Variants in STAG1 observed in about 807,000 individuals in gnomAD.
The protein encoded by STAG1 is STAG1 cohesin complex component.
A neutral mutation model predicts 170.9 loss-of-function variants in STAG1; 26 were observed. The ratio of observed to expected loss-of-function variants is 0.15; its 90% confidence interval spans 0.11 to 0.21. The LOEUF is 0.21. Ranked by LOEUF, STAG1 falls within the 10% of genes least tolerant of loss-of-function variation. The probability of loss-of-function intolerance (pLI) is 1.00; values close to 1 mark genes in which losing one functional copy is unlikely to be tolerated. For synonymous variants in STAG1, 514 were observed against 497.7 expected (o/e 1.03, Z -0.44); for missense variants, 964 against 1,509.5 (o/e 0.64, Z 5.99).
At chr3:136,342,600 G>C (rs894286280) in intron 30 of STAG1, among the ~76,000 whole-genome samples, 1 of 152,252 alleles carries the variant, frequency 6.6e-6, no homozygotes, top group African/African-American at 2.4e-5. Context: ...TCATTCCTTA[G>C]CCTCCTGAAT....
intron 2 of STAG1, among the ~76,000 whole-genome samples, chr3:136,624,260 G>A (rs541123949): frequency 1.3e-5 from 2 of 151,940 alleles, no homozygotes; most frequent in East Asian, 2.0e-4. Flanking sequence ...CACCAGGCCC[G>A]GCTAATTTTT....
At chr3:136,741,759 T>C (rs1934683127) in intron 1 of STAG1, among the ~76,000 whole-genome samples, 1 of 152,150 alleles carries the variant, frequency 6.6e-6, no homozygotes, top group African/African-American at 2.4e-5. Flanking sequence ...TGAGTCACTG[T>C]GCCTGGCCAG....
At chr3:136,696,150 T>C (rs1031563969) in intron 1 of STAG1, among the ~76,000 whole-genome samples, 2 of 152,196 alleles carry the variant, frequency 1.3e-5, no homozygotes, top group Non-Finnish European at 2.9e-5. Context: ...GCAAAGTTTT[T>C]CTGGAACCAC....
intron 9 of STAG1, among the ~76,000 whole-genome samples, chr3:136,486,477 A>C (rs972144467): frequency 3.3e-4 from 50 of 152,216 alleles, no homozygotes; most frequent in African/African-American, 1.1e-3. Context: ...TCTATAAAAC[A>C]TCCAAATCAT....
chr3:136,641,623 T>G (rs1231249042), intron 1 of STAG1, among the ~76,000 whole-genome samples: 1 of 152,132 alleles, frequency 6.6e-6, no homozygotes, highest in Non-Finnish European at 1.5e-5. Context: ...TTCAAAAGTG[T>G]CAAGGTCATG....
chr3:136,748,896 G>C (rs1935087233), intron 1 of STAG1, among the ~76,000 whole-genome samples: 1 of 152,092 alleles, frequency 6.6e-6, no homozygotes, highest in South Asian at 2.1e-4. Context: ...TAAGGTACCA[G>C]GAAACGGGAA....
chr3:136,686,011 T>C (rs1942509827), intron 1 of STAG1, among the ~76,000 whole-genome samples: 2 of 152,284 alleles, frequency 1.3e-5, no homozygotes, highest in South Asian at 2.1e-4. Context: ...TTCTCAAGTA[T>C]TGGTAAGCTC....
At chr3:136,697,485 G>T (rs1477706228) in intron 1 of STAG1, among the ~76,000 whole-genome samples, 1 of 152,138 alleles carries the variant, frequency 6.6e-6, no homozygotes, top group Non-Finnish European at 1.5e-5. Flanking sequence ...GTTCTCTGGG[G>T]ATGAGATCCA....
intron 7 of STAG1, among the ~76,000 whole-genome samples, chr3:136,512,828 GAACAC>G (rs780441286): frequency 1.5e-4 from 23 of 151,732 alleles, no homozygotes; most frequent in Non-Finnish European, 5.9e-5. Context: ...TGCCAGAGGT[GAACAC>G]ACACACCCCT....
intron 22 of STAG1, 21 bp from the exon 23 acceptor site, chr3:136,377,773 T>C: frequency 6.2e-7 from 1 of 1,601,142 alleles, no homozygotes; most frequent in Non-Finnish European, 8.6e-7. Flanking sequence ...CATTCAAATT[T>C]GCAAGCGTGA....
intron 3 of STAG1, among the ~76,000 whole-genome samples, chr3:136,612,901 G>A (rs1345167474): frequency 6.6e-6 from 1 of 152,102 alleles, no homozygotes; most frequent in Admixed American, 6.5e-5. Context: ...TATATACCTA[G>A]AGGTATAACT....
intron 9 of STAG1, among the ~76,000 whole-genome samples, chr3:136,491,496 C>T (rs2090124427): frequency 6.6e-6 from 1 of 152,102 alleles, no homozygotes; most frequent in South Asian, 2.1e-4. Context: ...GTGTTTTTCA[C>T]ATTCAGTATT....
intron 4 of STAG1, among the ~76,000 whole-genome samples, chr3:136,598,859 G>A (rs1486784173): frequency 6.6e-6 from 1 of 152,160 alleles, no homozygotes; most frequent in Non-Finnish European, 1.5e-5. Flanking sequence ...ATTCCTTGAT[G>A]AAATCTTTCA....
chr3:136,623,336 C>T (rs968591501), intron 2 of STAG1, 88 bp from the exon 3 acceptor site: 3 of 1,192,904 alleles, frequency 2.5e-6, no homozygotes, highest in African/African-American at 1.5e-5. Flanking sequence ...TGCTATATGG[C>T]TGATTAGAAG....
intron 1 of STAG1, among the ~76,000 whole-genome samples, chr3:136,726,605 G>A (rs1933702513): frequency 6.6e-6 from 1 of 152,148 alleles, no homozygotes; most frequent in Non-Finnish European, 1.5e-5. Flanking sequence ...CGTATTTTTA[G>A]TAGAGATGGG....
chr3:136,514,421 A>G (rs1934240945), intron 7 of STAG1, among the ~76,000 whole-genome samples: 1 of 152,180 alleles, frequency 6.6e-6, no homozygotes, highest in African/African-American at 2.4e-5. Flanking sequence ...AACAGATGCT[A>G]GAGAGGATGT....
chr3:136,608,753 G>A (rs983812618), intron 3 of STAG1, among the ~76,000 whole-genome samples: 8 of 144,682 alleles, frequency 5.5e-5, no homozygotes, highest in African/African-American at 1.0e-4. Context: ...GCAGTGAGCC[G>A]TGATTGTAGC....
At chr3:136,369,384 AC>A in intron 23 of STAG1, 102 bp from the exon 24 acceptor site, 1 of 814,696 alleles carries the variant, frequency 1.2e-6, no homozygotes, top group Non-Finnish European at 1.8e-6. Flanking sequence ...TAATAGCAGT[AC>A]CATAATATAA....
chr3:136,742,919 C>A (rs1314079993), intron 1 of STAG1, among the ~76,000 whole-genome samples: 1 of 151,944 alleles, frequency 6.6e-6, no homozygotes. Context: ...AAATCTATAA[C>A]CTAAAATTTC....
Sources: allele counts gnomAD v4.1 joint callset (sites outside exome capture counted in the v4.1 genomes callset), GRCh38; gene constraint gnomAD v4.1.1; transcripts MANE v1.5; gene names NCBI Gene and HGNC (gene_info 2026-07-23, HGNC 2026-07-21).